ITGAM: variants seen among roughly 807,000 people sequenced by gnomAD.
The protein encoded by ITGAM is integrin subunit alpha M, also known as integrin alpha-M.
In ITGAM, 79 loss-of-function variants were observed where a neutral mutation model predicts 137.5. The ratio of observed to expected loss-of-function variants is 0.57; its 90% confidence interval spans 0.48 to 0.69. The LOEUF (loss-of-function observed/expected upper bound fraction) is 0.69. ITGAM is among the 30% of genes least tolerant of loss of function. The probability of loss-of-function intolerance (pLI) is 0.00; values close to 1 mark genes in which losing one functional copy is unlikely to be tolerated. For missense variants in ITGAM, 1,343 were observed against 1,483.5 expected (o/e 0.91, Z 1.56); for synonymous variants, 583 against 592.3 (o/e 0.98, Z 0.23).
At chr16:31,329,207 G>A (rs1172578344) in intron 23 of ITGAM, 21 bp from the exon 24 acceptor site, 10 of 1,574,374 alleles carry the variant, frequency 6.4e-6, no homozygotes, top group Non-Finnish European at 8.7e-6. Context: ...GTCACCTCCT[G>A]TCCCTTTTTT....
intron 5 of ITGAM, among the ~76,000 whole-genome samples, chr16:31,267,430 A>G (rs941505013): frequency 6.6e-6 from 1 of 152,006 alleles, no homozygotes; most frequent in Non-Finnish European, 1.5e-5. Flanking sequence ...TTTTATCTTA[A>G]TAAGCGGTTT....
At chr16:31,279,102 G>A (rs1447948626) in intron 12 of ITGAM, among the ~76,000 whole-genome samples, 2 of 152,210 alleles carry the variant, frequency 1.3e-5, no homozygotes, top group African/African-American at 4.8e-5. Flanking sequence ...ATTCCATGGT[G>A]TATATGTGCC....
chr16:31,281,481 T>C (rs1178861292), intron 12 of ITGAM, among the ~76,000 whole-genome samples: 2 of 152,096 alleles, frequency 1.3e-5, no homozygotes, highest in East Asian at 1.9e-4. Flanking sequence ...TATCCATTTC[T>C]TCTAGATTTT....
At chr16:31,292,142 A>G (rs936182383) in intron 12 of ITGAM, among the ~76,000 whole-genome samples, 14 of 152,238 alleles carry the variant, frequency 9.2e-5, no homozygotes, top group African/African-American at 2.9e-4. Context: ...AAATTTATAT[A>G]AAAAATAAAA....
chr16:31,330,447 G>A (rs200665859), intron 27 of ITGAM, 26 bp downstream of exon 27: 11 of 1,610,330 alleles, frequency 6.8e-6, no homozygotes, highest in Non-Finnish European at 9.3e-6. Flanking sequence ...AGGCTTCGCC[G>A]GGCACAGGCG....
At chr16:31,296,783 C>G (rs1252622524) in intron 12 of ITGAM, among the ~76,000 whole-genome samples, 1 of 152,100 alleles carries the variant, frequency 6.6e-6, no homozygotes, top group Non-Finnish European at 1.5e-5. Context: ...ATAAGAAACA[C>G]TTGTTTGTTG....
chr16:31,272,429 A>G (rs1181912141), intron 7 of ITGAM, among the ~76,000 whole-genome samples: 586 of 6,158 alleles, frequency 0.095, 40 homozygotes, highest in African/African-American at 0.21. Flanking sequence ...TTAACTATAT[A>G]TATATATATA....
At position 31,331,786 on chromosome 16, in the gene ITGAM, A is replaced by G; in HGVS notation, c.*79A>G. ...CCACACGTAGCCCCCAGGCTGCTGG[A>G]CACGTCGGACAGCGAAGTATCCCCG... On this transcript the variant is annotated 3_prime_UTR_variant, in exon 30 of 30. Coordinates refer to ENST00000544665, the MANE Select transcript of ITGAM (RefSeq NM_000632.4). 2 of 1,129,476 alleles carry G rather than the reference A, an allele frequency of 1.8e-6. No individual in the cohort carries two copies. The highest frequency in any genetic ancestry group is 2.5e-6 in the Non-Finnish European group (2 of 792,536). 70.0% of individuals were successfully genotyped at this position (1,129,476 alleles called of 1,614,324 possible). A position where few individuals can be genotyped will look rare whatever the true frequency, so the allele number is the denominator to read the frequency against.
intron 14 of ITGAM, among the ~76,000 whole-genome samples, chr16:31,310,296 A>G (rs1475468785): frequency 1.3e-5 from 2 of 152,128 alleles, no homozygotes; most frequent in East Asian, 1.9e-4. Flanking sequence ...GTGTTTTCCA[A>G]CTTGATTCCA....
chr16:31,325,110 G>A, intron 19 of ITGAM, 79 bp downstream of exon 19: 1 of 1,489,484 alleles, frequency 6.7e-7, no homozygotes, highest in Non-Finnish European at 9.1e-7. Context: ...TGGCCCCCAA[G>A]GGAGCCGGGT....
In ITGAM at chr16:31,294,618, G is replaced by A. The variant is rs139917106; in HGVS notation, c.1357-2896G>A. Among the ~76,000 whole-genome samples the A allele has an allele frequency of 4.6e-5, 7 of 152,242 alleles. No homozygotes were observed. In the East Asian group the frequency reaches 1.4e-3, roughly 29 times the overall value. On this transcript the variant is annotated intron_variant, in intron 12 of 29. Transcript: ENST00000544665. ...TGGTGGATTAGATTTTTGATGTGCT[G>A]CTGGATTTGGTTTGCAGGTAGTGTG...
At chr16:31,325,958 C>T (rs542863101) in intron 21 of ITGAM, among the ~76,000 whole-genome samples, 15 of 151,932 alleles carry the variant, frequency 9.9e-5, no homozygotes, top group Non-Finnish European at 8.8e-5. Context: ...CCCAGCTACT[C>T]GGGAGGCTAG....
chr16:31,330,490 G>C lies in ITGAM; in HGVS notation c.3175-14G>C, dbSNP rs1239386379. 6.2e-7 allele frequency: 1 copy of C among 1,613,096 alleles called. No individual in the cohort carries two copies. On this transcript the variant is annotated splice_polypyrimidine_tract_variant and intron_variant, in intron 27 of 29. Transcript: ENST00000544665. ...CAGGGCCCAGGTGCAGTGCCCACCC[G>C]CTCTCTTCCACAGACCTCGCATAAC...
At chr16:31,310,623 C>G (rs1397414523) in intron 14 of ITGAM, among the ~76,000 whole-genome samples, 1 of 152,118 alleles carries the variant, frequency 6.6e-6, no homozygotes, top group East Asian at 1.9e-4. Context: ...TTTTTAACTT[C>G]TTTGCCATTG....
intron 12 of ITGAM, among the ~76,000 whole-genome samples, chr16:31,286,600 A>G (rs2080031980): frequency 6.6e-6 from 1 of 152,170 alleles, no homozygotes; most frequent in South Asian, 2.1e-4. Context: ...GTGATTAGTG[A>G]TAATGAACTT....
intron 5 of ITGAM, among the ~76,000 whole-genome samples, chr16:31,268,833 G>A (rs1220687927): frequency 6.6e-6 from 1 of 152,082 alleles, no homozygotes; most frequent in Non-Finnish European, 1.5e-5. Context: ...TCCTTTTGAG[G>A]CCCTTGTCCC....
intron 12 of ITGAM, among the ~76,000 whole-genome samples, chr16:31,290,987 G>T (rs1289319002): frequency 1.3e-5 from 2 of 152,062 alleles, no homozygotes; most frequent in African/African-American, 4.8e-5. Context: ...AAAATACCAT[G>T]AAATATTTAG....
intron 24 of ITGAM, 85 bp from the exon 25 acceptor site, chr16:31,329,713 G>A: frequency 8.5e-7 from 1 of 1,172,168 alleles, no homozygotes; most frequent in Non-Finnish European, 1.2e-6. Context: ...CGGGCCTATG[G>A]CCTGCCCCGT....
At chr16:31,315,196 T>A (rs1314083382) in intron 14 of ITGAM, among the ~76,000 whole-genome samples, 1 of 152,168 alleles carries the variant, frequency 6.6e-6, no homozygotes, top group African/African-American at 2.4e-5. Flanking sequence ...ATTTATCAGT[T>A]GTGTGGTTTG....
Sources: allele counts gnomAD v4.1 joint callset (sites outside exome capture counted in the v4.1 genomes callset), GRCh38; gene constraint gnomAD v4.1.1; transcripts MANE v1.5; gene names NCBI Gene and HGNC (gene_info 2026-07-23, HGNC 2026-07-21).